Variants in RFPL4AL1 observed in about 807,000 individuals in gnomAD.
RFPL4AL1 encodes ret finger protein like 4A like 1, also known as ret finger protein-like 4A-like protein 1.
A neutral mutation model predicts 8.2 loss-of-function variants in RFPL4AL1; 2 were observed. The observed-to-expected ratio is 0.24, with a 90% CI of 0.10 to 0.77. RFPL4AL1 has a LOEUF of 0.77. Among genes scored for constraint, RFPL4AL1 ranks in the 30% least tolerant of loss-of-function variants. The pLI, the probability that RFPL4AL1 is intolerant of heterozygous loss-of-function variation, is 0.72. For missense variants in RFPL4AL1, 57 were observed against 350.3 expected (o/e 0.16, Z 6.68); for synonymous variants, 25 against 131.8 (o/e 0.19, Z 5.55).
intron 1 of RFPL4AL1, among the ~76,000 whole-genome samples, chr19:55,771,519 A>G (rs1989497516): frequency 6.6e-6 from 1 of 151,810 alleles, no homozygotes; most frequent in South Asian, 2.1e-4. Context: ...GGTGGCTACC[A>G]TATGAAACAG....
intron 2 of RFPL4AL1, 115 bp downstream of exon 2, chr19:55,772,205 T>C: frequency 1.5e-6 from 1 of 656,306 alleles, no homozygotes; most frequent in Non-Finnish European, 2.6e-6. Context: ...AAAACTTCCA[T>C]GCTTCACAAA....
At chr19:55,770,010 G>T (rs1237857859) in intron 1 of RFPL4AL1, among the ~76,000 whole-genome samples, 1 of 151,998 alleles carries the variant, frequency 6.6e-6, no homozygotes, top group South Asian at 2.1e-4. Flanking sequence ...GAACCTAAGA[G>T]TGCAGATATC....
intron 1 of RFPL4AL1, among the ~76,000 whole-genome samples, chr19:55,771,312 A>T (rs1989493830): frequency 6.6e-6 from 1 of 152,124 alleles, no homozygotes; most frequent in Admixed American, 6.6e-5. Flanking sequence ...TAGTCACATA[A>T]AATAGAACAA....
chr19:55,771,169 T>C (rs2059150), intron 1 of RFPL4AL1, among the ~76,000 whole-genome samples: 1 of 149,852 alleles, frequency 6.7e-6, no homozygotes, highest in African/African-American at 2.4e-5. Context: ...CTTGTCCTTT[T>C]GGTGTGCTAT....
At chr19:55,770,363 G>A (rs1304754796) in intron 1 of RFPL4AL1, among the ~76,000 whole-genome samples, 1 of 151,928 alleles carries the variant, frequency 6.6e-6, no homozygotes, top group Non-Finnish European at 1.5e-5. Context: ...ACGAATTCAG[G>A]GATGAGCCAG....
rs372445266 is a variant in RFPL4AL1, at chr19:55,773,307, T to C, written c.*128T>C. 1.8e-3 allele frequency: 934 copies of C among 528,256 alleles called. No individual in the cohort carries two copies. The highest frequency in any genetic ancestry group is 0.017 in the African/African-American group (853 of 51,270). 32.7% of individuals were successfully genotyped at this position (528,256 alleles called of 1,614,324 possible). On this transcript the variant is annotated 3_prime_UTR_variant, in exon 3 of 3. Coordinates refer to ENST00000341750, the MANE Select transcript of RFPL4AL1 (RefSeq NM_001277397.2). The stretch of plus-strand genomic sequence containing the variant: ...GAAAGAGCCATCACTCTGTAAACCA[T>C]GAACAGAAAGCAATTATATTAATGA...
chr19:55,772,812 G>T lies in RFPL4AL1; in HGVS notation c.497G>T (p.Gly166Val). Residue 166 changes from glycine to valine, a missense_variant, in exon 3 of 3, where the codon GGC becomes GTC. Gly to Val is a moderately radical substitution (Grantham distance 109). Transcript: ENST00000341750. ...DVGTSQVWDV[G>V]VCKESVNRQG... ...GGCACCAGCCAAGTGTGGGATGTGG[G>T]CGTGTGCAAGGAATCTGTCAACCGA... The T allele has an allele frequency of 6.5e-7, 1 of 1,548,932 alleles. No individual in the cohort carries two copies. The highest frequency in any genetic ancestry group is 8.7e-7 in the Non-Finnish European group (1 of 1,145,496).
intron 1 of RFPL4AL1, among the ~76,000 whole-genome samples, chr19:55,771,086 G>GTTTTTTTTTTT (rs74183507): frequency 1.5e-5 from 2 of 130,378 alleles, no homozygotes; most frequent in South Asian, 2.3e-4. Flanking sequence ...TCTGTTTTTT[G>GTTTTTTTTTTT]TTTTTTTTTT....
At chr19:55,769,214 G>A (rs1401388160) in intron 1 of RFPL4AL1, 39 bp downstream of exon 1, 1 of 151,928 alleles carries the variant, frequency 6.6e-6, no homozygotes, top group African/African-American at 2.4e-5. Context: ...TACAAAAGGC[G>A]TATGAGAATC....
At chr19:55,772,387 T>G (rs1259329039) in intron 2 of RFPL4AL1, among the ~76,000 whole-genome samples, 1 of 129,944 alleles carries the variant, frequency 7.7e-6, no homozygotes, top group African/African-American at 2.7e-5. Flanking sequence ...CTAATATGAA[T>G]AAGGTGGACT....
chr19:55,773,280 G>A lies in RFPL4AL1; in HGVS notation c.*101G>A, dbSNP rs1989540683. On this transcript the variant is annotated 3_prime_UTR_variant, in exon 3 of 3. Coordinates refer to ENST00000341750, the MANE Select transcript of RFPL4AL1 (RefSeq NM_001277397.2). ...TACACATAGGTACAAAGGGACAGAA[G>A]GGAAAGAGCCATCACTCTGTAAACC... 5.0e-6 allele frequency: 3 copies of A among 601,114 alleles called. No individual in the cohort carries two copies. Among genetic ancestry groups the A allele is most frequent in the Non-Finnish European group, 8.7e-6 (3 of 346,394 alleles). The allele number at this position is 601,114 out of a possible 1,614,324, so 37.2% of individuals were successfully genotyped here.
Position 55,771,086 on chromosome 19 carries a change from G to GGTTTTTTTTTTTTTTTTTTTTTTTTT in RFPL4AL1, c.-9-710_-9-709insGTTTTTTTTTTTTTTTTTTTTTTTTT, listed in dbSNP as rs1555799526. On this transcript the variant is annotated intron_variant, in intron 1 of 2. Transcript: ENST00000341750. ...TTGGTTTCTTTTAGTTCTGTTTTTT[G>GGTTTTTTTTTTTTTTTTTTTTTTTTT]TTTTTTTTTTTTTTTTTTTCCGCTA... 1.0e-4 allele frequency among the ~76,000 whole-genome samples: 13 copies of GGTTTTTTTTTTTTTTTTTTTTTTTTT among 130,380 alleles called. 3 individuals are homozygous for GGTTTTTTTTTTTTTTTTTTTTTTTTT. Among genetic ancestry groups the GGTTTTTTTTTTTTTTTTTTTTTTTTT allele is most frequent in the Non-Finnish European group, 7.9e-5 (5 of 63,348 alleles). The allele number at this position is 130,380 out of a possible 152,430, so 85.5% of individuals were successfully genotyped here.
intron 1 of RFPL4AL1, among the ~76,000 whole-genome samples, chr19:55,769,744 A>G (rs7258447): frequency 6.6e-6 from 1 of 151,012 alleles, no homozygotes; most frequent in East Asian, 1.9e-4. Flanking sequence ...GCTGGAGTGC[A>G]GTGGCTATTT....
At chr19:55,770,160 A>G (rs1488780000) in intron 1 of RFPL4AL1, among the ~76,000 whole-genome samples, 5 of 151,858 alleles carry the variant, frequency 3.3e-5, no homozygotes, top group Admixed American at 2.0e-4. Flanking sequence ...TTTCCCACCA[A>G]CCGTGCACAA....
At chr19:55,771,079 G>GTTTTTTT (rs1243816491) in intron 1 of RFPL4AL1, among the ~76,000 whole-genome samples, 113 of 89,226 alleles carry the variant, frequency 1.3e-3, no homozygotes, top group South Asian at 2.6e-3. Flanking sequence ...TTTTAGTTCT[G>GTTTTTTT]TTTTTTGTTT....
In RFPL4AL1 at chr19:55,772,885, T is replaced by A. The variant is rs1343849447; in HGVS notation, c.570T>A (p.Gly190=). 1 of 1,550,068 alleles carries A rather than the reference T, an allele frequency of 6.5e-7. No homozygotes were observed. Among genetic ancestry groups the A allele is most frequent in the African/African-American group, 1.4e-5 (1 of 72,416 alleles). The change falls in exon 3 of 3, where the codon GGT becomes GGA. Residue 190 remains glycine, a synonymous_variant. Coordinates refer to ENST00000341750, the MANE Select transcript of RFPL4AL1 (RefSeq NM_001277397.2). ...CAGAACACGGCTTCTTGACTGTGGG[T>A]TGCAGAGAAGGAAAGGTCTTTGCTG... is the stretch of plus-strand genomic sequence containing the variant. The part of the protein sequence containing the change: ...LSSEHGFLTV[G]CREGKVFAAS...
chr19:55,771,006 A>C (rs2122664663), intron 1 of RFPL4AL1, among the ~76,000 whole-genome samples: 1 of 151,924 alleles, frequency 6.6e-6, no homozygotes, highest in South Asian at 2.1e-4. Context: ...CGGCCTTGAA[A>C]ATATTCCTTA....
At chr19:55,769,688 T>G (rs748530637) in intron 1 of RFPL4AL1, among the ~76,000 whole-genome samples, 1 of 151,856 alleles carries the variant, frequency 6.6e-6, no homozygotes, top group Non-Finnish European at 1.5e-5. Flanking sequence ...TGGGGATTCA[T>G]TATTTCTTTA....
At position 55,770,521 on chromosome 19, in the gene RFPL4AL1, T is replaced by C. The variant is rs141227823; in HGVS notation, c.-9-1275T>C. On this transcript the variant is annotated intron_variant, in intron 1 of 2. Transcript: ENST00000341750. ...TCCTTCTAATTAGGAGGTGAACTAA[T>C]CATTAGGTTTTGTAGGAAAAAAGCA... 3.3e-3 allele frequency among the ~76,000 whole-genome samples: 506 copies of C among 152,004 alleles called. 10 individuals carry two copies. The highest frequency in any genetic ancestry group is 0.012 in the African/African-American group (483 of 41,444).
Sources: allele counts gnomAD v4.1 joint callset (sites outside exome capture counted in the v4.1 genomes callset), GRCh38; gene constraint gnomAD v4.1.1; transcripts MANE v1.5; gene names NCBI Gene and HGNC (gene_info 2026-07-23, HGNC 2026-07-21).